FAM149B1: variants seen among roughly 807,000 people sequenced by gnomAD.
FAM149B1 encodes the protein primary cilium assembly protein FAM149B1.
Under a neutral mutation model 75.3 loss-of-function variants are expected in FAM149B1, and 56 were observed. That is an observed-to-expected ratio of 0.74 (90% CI 0.60 to 0.93). The LOEUF (loss-of-function observed/expected upper bound fraction) is 0.93, where lower values mean the gene tolerates loss of function less well. Among genes scored for constraint, FAM149B1 ranks in the 40% least tolerant of loss-of-function variants. The probability of loss-of-function intolerance (pLI) is 0.00; values close to 1 mark genes in which losing one functional copy is unlikely to be tolerated. For synonymous variants in FAM149B1, 259 were observed against 256.1 expected, an observed-to-expected ratio of 1.01 and a Z score of -0.11; for missense variants, 639 against 708.4, an observed-to-expected ratio of 0.90 and a Z score of 1.11.
intron 2 of FAM149B1, among the ~76,000 whole-genome samples, chr10:73,176,289 G>A (rs1339327734): frequency 6.6e-6 from 1 of 152,150 alleles, no homozygotes; most frequent in Non-Finnish European, 1.5e-5. Flanking sequence ...GGGAGCTGCT[G>A]TAAATACAGA....
intron 3 of FAM149B1, among the ~76,000 whole-genome samples, chr10:73,184,964 A>G (rs2042484987): frequency 6.6e-6 from 1 of 152,218 alleles, no homozygotes; most frequent in Non-Finnish European, 1.5e-5. Context: ...GTTTCTTTGA[A>G]AAGAAGTCAG....
intron 5 of FAM149B1, among the ~76,000 whole-genome samples, chr10:73,193,856 A>C (rs545422321): frequency 2.0e-5 from 3 of 152,260 alleles, no homozygotes; most frequent in Middle Eastern, 6.8e-3. Context: ...GTAATTTATA[A>C]GGAAAAGGAA....
Position 73,212,370 on chromosome 10 carries a change from G to A in FAM149B1, c.898+1932G>A, listed in dbSNP as rs572652933. Among the ~76,000 whole-genome samples, 98 of 151,836 alleles carry A rather than the reference G, an allele frequency of 6.5e-4. No homozygotes were observed. In the South Asian group the frequency reaches 0.011, roughly 17 times the overall value. ...ATCTTGGCCCACTGCAACCTCTGCC[G>A]CCTAGGTTCAAGCGATTCTCCTGCT... is the stretch of plus-strand genomic sequence containing the variant. On this transcript the variant is annotated intron_variant, in intron 7 of 13. Transcript: ENST00000242505.
At chr10:73,168,465 C>T (rs1843550095) in intron 1 of FAM149B1, 79 bp downstream of exon 1, 2 of 1,491,988 alleles carry the variant, frequency 1.3e-6, no homozygotes, top group African/African-American at 1.4e-5. Context: ...TCCTTCGTTC[C>T]TTTCCTTTCC....
intron 9 of FAM149B1, among the ~76,000 whole-genome samples, 198 bp from the exon 10 acceptor site, chr10:73,232,741 G>T (rs1030675002): frequency 6.6e-6 from 1 of 152,180 alleles, no homozygotes; most frequent in African/African-American, 2.4e-5. Flanking sequence ...TTGAAATAAT[G>T]TCCCACTTTT....
rs531961915 is a variant in FAM149B1 at position 73,234,984 on chromosome 10, C to T, written c.1476+44C>T. On this transcript the variant is annotated intron_variant, in intron 11 of 13. Transcript: ENST00000242505. ...GCCTCTCCATGTACTTACCATACAACCTAATGGGCAGTAATTCTGCAGGAT... is the reference window on the plus strand; with the variant it reads ...GCCTCTCCATGTACTTACCATACAATCTAATGGGCAGTAATTCTGCAGGAT... The T allele has an allele frequency of 6.6e-4, 1,024 of 1,542,784 alleles. 9 individuals are homozygous for T. The East Asian group carries it at 0.013, about 20-fold the overall frequency.
At chr10:73,169,577 C>G (rs1400552031) in intron 1 of FAM149B1, among the ~76,000 whole-genome samples, 1 of 151,802 alleles carries the variant, frequency 6.6e-6, no homozygotes, top group East Asian at 1.9e-4. Flanking sequence ...ACAATGTAGC[C>G]TCTTGAGTAG....
intron 5 of FAM149B1, among the ~76,000 whole-genome samples, chr10:73,206,948 T>G (rs1369815570): frequency 6.6e-6 from 1 of 151,836 alleles, no homozygotes; most frequent in Non-Finnish European, 1.5e-5. Context: ...CAAACAAATG[T>G]TGCAAGCAAG....
Position 73,228,101 on chromosome 10 carries a change from A to G in FAM149B1, c.940A>G (p.Ser314Gly). 1.3e-6 allele frequency: 2 copies of G among 1,551,584 alleles called. No homozygotes were observed. The highest frequency in any genetic ancestry group is 2.4e-5 in the East Asian group (1 of 40,924). Reference sequence around the variant, plus strand: ...TGCAGTTACCAGACCCGATTCAGAAAGTTCCTGTGTGCTGAGTGAACTACA... The same window carrying G: ...TGCAGTTACCAGACCCGATTCAGAAGGTTCCTGTGTGCTGAGTGAACTACA... ...NVAVTRPDSE[S>G]SCVLSELHPL... is the part of the protein sequence containing the mutation. The change falls in exon 8 of 14, where the codon AGT becomes GGT. Residue 314 changes from serine (S) to glycine (G), a missense_variant. Coordinates refer to ENST00000242505, the MANE Select transcript of FAM149B1 (RefSeq NM_173348.2).
chr10:73,236,991 G>C (rs2133413353), intron 12 of FAM149B1, among the ~76,000 whole-genome samples: 1 of 152,290 alleles, frequency 6.6e-6, no homozygotes, highest in African/African-American at 2.4e-5. Context: ...TGGGACTACA[G>C]GCATGAGCCA....
chr10:73,225,701 C>A (rs1564710073), intron 7 of FAM149B1, among the ~76,000 whole-genome samples: 1 of 152,198 alleles, frequency 6.6e-6, no homozygotes, highest in Admixed American at 6.5e-5. Flanking sequence ...CATTCACTCA[C>A]CACTCACTCA....
rs766159901 is a variant in FAM149B1 at position 73,208,656 on chromosome 10, T to C, written c.580T>C (p.Ser194Pro). 3 of 1,544,366 alleles carry C rather than the reference T, an allele frequency of 1.9e-6. No homozygotes were observed. Among genetic ancestry groups the C allele is most frequent in the Non-Finnish European group, 8.7e-7 (1 of 1,143,026 alleles). ...IRGKKLHFSSSYAHKASSIAK... is the reference protein window; with the variant it reads ...IRGKKLHFSSPYAHKASSIAK... ...GGGAAAGAAGTTACATTTTTCATCT[T>C]CTTATGCTCATAAAGCATCTTCCAT... The change falls in exon 6 of 14, where the codon TCT becomes CCT. Residue 194 changes from serine (S) to proline (P), a missense_variant. Transcript: ENST00000242505.
At position 73,232,095 on chromosome 10, in the gene FAM149B1, C is replaced by T. The variant is rs563553189; in HGVS notation, c.1128-844C>T. ...GTGGCCTGAAAGGTTGAGGAACTTG[C>T]TGAAAGCTATAGGAGCAAATGGCAG... On this transcript the variant is annotated intron_variant, in intron 9 of 13. Coordinates refer to ENST00000242505, the MANE Select transcript of FAM149B1 (RefSeq NM_173348.2). Among the ~76,000 whole-genome samples, 3 of 152,230 alleles carry T rather than the reference C, an allele frequency of 2.0e-5. No homozygotes were observed. In the East Asian group the frequency reaches 5.8e-4, roughly 29 times the overall value.
intron 10 of FAM149B1, 24 bp from the exon 11 acceptor site, chr10:73,234,793 C>T (rs1434923926): frequency 7.1e-6 from 11 of 1,550,114 alleles, no homozygotes; most frequent in East Asian, 4.9e-5. Flanking sequence ...TTCATACCTT[C>T]GTGTTTGTTG....
In FAM149B1 at chr10:73,233,029, A is replaced by G. The variant is rs1388427483; in HGVS notation, c.1218A>G (p.Thr406=). ...CAAATCGAGCTGTGGAGTTTAGTAC[A>G]TCATCTCTGTCATACACAGTGCAGT... The part of the protein sequence containing the change: ...NWPNRAVEFS[T]SSLSYTVQST... The change falls in exon 10 of 14, where the codon ACA becomes ACG. Residue 406 remains threonine (T), a synonymous_variant. Transcript: ENST00000242505. The G allele has an allele frequency of 1.3e-6, 2 of 1,551,770 alleles. No homozygotes were observed. The highest frequency in any genetic ancestry group is 1.7e-6 in the Non-Finnish European group (2 of 1,146,908).
chr10:73,235,305 C>G lies in FAM149B1; in HGVS notation c.1589C>G (p.Thr530Ser). ...GACTTTTTCCCCAGGCCCAACACAA[C>G]TCAATCATTTTTGGTAGAGTGACGT... The part of the protein sequence containing the change: ...LPDFFPRPNT[T>S]QSFLLDTQYR... The change falls in exon 12 of 14, where the codon ACT (threonine) becomes AGT (serine). Residue 530 changes from threonine to serine, a missense_variant. By Grantham distance (58) the Thr-to-Ser change is moderately conservative. Transcript: ENST00000242505. 6.4e-7 allele frequency: 1 copy of G among 1,552,140 alleles called. No individual in the cohort carries two copies. The highest frequency in any genetic ancestry group is 2.4e-5 in the East Asian group (1 of 40,926).
chr10:73,184,560 T>C (rs1351321710), intron 3 of FAM149B1, among the ~76,000 whole-genome samples: 2 of 152,182 alleles, frequency 1.3e-5, no homozygotes, highest in Admixed American at 1.3e-4. Context: ...ATAAAAAGAT[T>C]TAAATTATAC....
At chr10:73,232,862 GCTTTTTACCCCGTTAGTCTTGT>G in intron 9 of FAM149B1, 55 bp from the exon 10 acceptor site, 1 of 876,250 alleles carries the variant, frequency 1.1e-6, no homozygotes, top group Non-Finnish European at 1.8e-6. Context: ...CTAGTCTAAG[GCTTTTTACCCCGTTAGTCTTGT>G]CTTCCTTGAC....
At chr10:73,233,300 GT>G (rs1409590980) in intron 10 of FAM149B1, 137 bp downstream of exon 10, 34 of 655,898 alleles carry the variant, frequency 5.2e-5, no homozygotes, top group Non-Finnish European at 6.2e-5. Context: ...TTGCCCATGG[GT>G]TTAGATCCAA....
Sources: gnomAD v4.1 joint callset for allele counts (sites outside exome capture counted in the v4.1 genomes callset) on GRCh38, gnomAD v4.1.1 for gene constraint, MANE v1.5 for transcripts, NCBI Gene and HGNC (gene_info 2026-07-23, HGNC 2026-07-21) for gene names.